Variants in PLCB1 observed in about 807,000 individuals in gnomAD.
PLCB1 encodes the protein phospholipase C beta 1.
PLCB1 carries 46 observed loss-of-function variants against 161.8 expected under a neutral mutation model. That is an observed-to-expected ratio of 0.28 (90% CI 0.22 to 0.36). The LOEUF is 0.36. PLCB1 is among the 10% of genes least tolerant of loss of function. PLCB1 has a pLI of 1.00. For missense variants in PLCB1, 1,016 were observed against 1,472.5 expected (o/e 0.69, Z 5.07); for synonymous variants, 517 against 503.7 (o/e 1.03, Z -0.35).
rs568001052 is a variant in PLCB1, at chr20:8,211,402, G to A, written c.177+61031G>A. On this transcript the variant is annotated intron_variant, in intron 2 of 31. Transcript: ENST00000338037. ...CATGTTTCTCTTGAAAAATCTTTAT[G>A]TATACTTCTATCTCTATTTGCATAA... is the stretch of plus-strand genomic sequence containing the variant. Among the ~76,000 whole-genome samples the A allele has an allele frequency of 2.6e-5, 4 of 152,172 alleles. No homozygotes were observed. The East Asian group carries it at 7.7e-4, about 29-fold the overall frequency.
intron 3 of PLCB1, among the ~76,000 whole-genome samples, chr20:8,500,830 CAT>C (rs1470447370): frequency 6.6e-6 from 1 of 152,154 alleles, no homozygotes; most frequent in East Asian, 1.9e-4. Flanking sequence ...CTCCCTAAGA[CAT>C]AGTTTCTTCT....
chr20:8,424,065 C>T (rs577563684), intron 3 of PLCB1, among the ~76,000 whole-genome samples: 9 of 152,240 alleles, frequency 5.9e-5, no homozygotes, highest in Non-Finnish European at 1.3e-4. Flanking sequence ...AGGCTCACTC[C>T]TTCCATTTTA....
Position 8,678,425 on chromosome 20 carries a change from A to G in PLCB1, c.863-6507A>G, listed in dbSNP as rs1425732638. Among the ~76,000 whole-genome samples the G allele has an allele frequency of 3.3e-5, 5 of 152,232 alleles. 1 individual carries two copies. The highest frequency in any genetic ancestry group is 7.3e-5 in the Non-Finnish European group (5 of 68,038). On this transcript the variant is annotated intron_variant, in intron 9 of 31. Coordinates refer to ENST00000338037, the MANE Select transcript of PLCB1 (RefSeq NM_015192.4). ...GTATTATTTTGAGATACAGAAGTAA[A>G]TACCAAAAGCTTCTGCTAAAAGATT...
intron 3 of PLCB1, among the ~76,000 whole-genome samples, chr20:8,623,388 G>A (rs182133634): frequency 1.1e-4 from 16 of 152,012 alleles, no homozygotes; most frequent in Admixed American, 2.0e-4. Context: ...GCTTCAAACC[G>A]CTTTATTTCA....
chr20:8,680,752 A>T (rs1990190631), intron 9 of PLCB1, among the ~76,000 whole-genome samples: 1 of 152,092 alleles, frequency 6.6e-6, no homozygotes, highest in South Asian at 2.1e-4. Context: ...TAATATAATT[A>T]TAAATTATCC....
At chr20:8,564,450 A>G (rs1034644752) in intron 3 of PLCB1, among the ~76,000 whole-genome samples, 1 of 152,232 alleles carries the variant, frequency 6.6e-6, no homozygotes, top group Non-Finnish European at 1.5e-5. Flanking sequence ...CTAAAACACC[A>G]AAAGCAATGG....
chr20:8,855,786 A>G (rs1987047281), intron 31 of PLCB1, among the ~76,000 whole-genome samples: 1 of 152,226 alleles, frequency 6.6e-6, no homozygotes, highest in South Asian at 2.1e-4. Context: ...TCATGTCATA[A>G]GAATATCTGA....
chr20:8,804,739 C>T (rs1422070823), intron 31 of PLCB1, among the ~76,000 whole-genome samples: 1 of 152,088 alleles, frequency 6.6e-6, no homozygotes, highest in Non-Finnish European at 1.5e-5. Flanking sequence ...CCTGTAATCT[C>T]AGCACTTTGG....
chr20:8,167,829 T>G (rs2051690896), intron 2 of PLCB1, among the ~76,000 whole-genome samples: 1 of 152,260 alleles, frequency 6.6e-6, no homozygotes, highest in South Asian at 2.1e-4. Context: ...ACAACAACCA[T>G]TTTTTTGAGG....
intron 3 of PLCB1, among the ~76,000 whole-genome samples, chr20:8,476,942 A>G (rs1347963196): frequency 6.6e-6 from 1 of 152,206 alleles, no homozygotes; most frequent in Non-Finnish European, 1.5e-5. Flanking sequence ...TTTCCTTACC[A>G]TGATGGATTA....
chr20:8,809,483 T>C (rs1984707089), intron 31 of PLCB1, among the ~76,000 whole-genome samples: 1 of 152,148 alleles, frequency 6.6e-6, no homozygotes, highest in African/African-American at 2.4e-5. Context: ...TTTGTTACTT[T>C]GAGACTGGCT....
chr20:8,864,917 T>C (rs937836861), intron 31 of PLCB1, among the ~76,000 whole-genome samples: 1 of 152,184 alleles, frequency 6.6e-6, no homozygotes, highest in Non-Finnish European at 1.5e-5. Flanking sequence ...CAGAATTATA[T>C]ATGTCAGGAT....
intron 2 of PLCB1, among the ~76,000 whole-genome samples, chr20:8,231,559 A>C (rs1980038896): frequency 6.6e-6 from 1 of 152,204 alleles, no homozygotes; most frequent in Non-Finnish European, 1.5e-5. Flanking sequence ...ATACATGCTG[A>C]ATGAATGATT....
At chr20:8,362,949 A>T (rs1275088032) in intron 2 of PLCB1, among the ~76,000 whole-genome samples, 1 of 152,150 alleles carries the variant, frequency 6.6e-6, no homozygotes, top group Non-Finnish European at 1.5e-5. Context: ...TGGGCAATTA[A>T]CATATTTTCT....
At chr20:8,803,214 T>C (rs551911080) in intron 31 of PLCB1, among the ~76,000 whole-genome samples, 1 of 152,036 alleles carries the variant, frequency 6.6e-6, no homozygotes, top group South Asian at 2.1e-4. Context: ...CTGCAGACAC[T>C]TATCTAGGAT....
chr20:8,665,628 T>C (rs1338958243), intron 9 of PLCB1, among the ~76,000 whole-genome samples: 1 of 152,222 alleles, frequency 6.6e-6, no homozygotes, highest in Non-Finnish European at 1.5e-5. Context: ...ATTATAATTA[T>C]AGTCATAAGT....
intron 13 of PLCB1, among the ~76,000 whole-genome samples, chr20:8,716,737 C>A (rs542509804): frequency 6.6e-6 from 1 of 152,298 alleles, no homozygotes; most frequent in East Asian, 1.9e-4. Context: ...GTCTTCTTGG[C>A]CTGTCCCTGC....
chr20:8,556,745 C>T (rs1200325079), intron 3 of PLCB1, among the ~76,000 whole-genome samples: 1 of 149,970 alleles, frequency 6.7e-6, no homozygotes, highest in African/African-American at 2.5e-5. Flanking sequence ...CACTAGCTAA[C>T]CACAAGCTAA....
chr20:8,271,276 T>C (rs954422313), intron 2 of PLCB1, among the ~76,000 whole-genome samples: 1 of 152,114 alleles, frequency 6.6e-6, no homozygotes, highest in African/African-American at 2.4e-5. Flanking sequence ...TCTTCTTTTG[T>C]TGATTTTGTA....
Sources: allele counts gnomAD v4.1 joint callset (sites outside exome capture counted in the v4.1 genomes callset), GRCh38; gene constraint gnomAD v4.1.1; transcripts MANE v1.5; gene names NCBI Gene and HGNC (gene_info 2026-07-23, HGNC 2026-07-21).